Variants in PBX1 observed in about 807,000 individuals in gnomAD.
PBX1 encodes the protein pre-B-cell leukemia transcription factor 1.
Under a neutral mutation model 53.4 loss-of-function variants are expected in PBX1, and 6 were observed. The observed-to-expected ratio is 0.11, with a 90% CI of 0.06 to 0.22. The LOEUF (loss-of-function observed/expected upper bound fraction) is 0.22, where lower values mean the gene tolerates loss of function less well. Among genes scored for constraint, PBX1 ranks in the 10% least tolerant of loss-of-function variants. The probability of loss-of-function intolerance (pLI) is 1.00; values close to 1 mark genes in which losing one functional copy is unlikely to be tolerated. For synonymous variants in PBX1, 204 were observed against 212.3 expected (o/e 0.96, Z 0.34); for missense variants, 251 against 551.4 (o/e 0.46, Z 5.46).
intron 2 of PBX1, among the ~76,000 whole-genome samples, chr1:164,692,123 C>T (rs1265312889): frequency 6.6e-6 from 1 of 152,138 alleles, no homozygotes; most frequent in Non-Finnish European, 1.5e-5. Context: ...GATACTAAAC[C>T]TGTATACGTG....
intron 2 of PBX1, among the ~76,000 whole-genome samples, chr1:164,880,802 C>T (rs1015428712): frequency 2.0e-5 from 3 of 152,180 alleles, no homozygotes; most frequent in African/African-American, 7.2e-5. Context: ...ACTAGCAAAA[C>T]CAAATTAGCT....
chr1:164,725,804 T>A (rs1256386769), intron 2 of PBX1, among the ~76,000 whole-genome samples: 1 of 152,208 alleles, frequency 6.6e-6, no homozygotes, highest in Non-Finnish European at 1.5e-5. Flanking sequence ...GAGGTGTAGC[T>A]ATCCATCATT....
At chr1:164,588,079 A>G (rs185698701) in intron 2 of PBX1, among the ~76,000 whole-genome samples, 2 of 152,280 alleles carry the variant, frequency 1.3e-5, no homozygotes, top group Admixed American at 1.3e-4. Flanking sequence ...ACCAAAAGTG[A>G]CTGCATGGTT....
At chr1:164,628,970 G>A (rs1658227696) in intron 2 of PBX1, among the ~76,000 whole-genome samples, 1 of 152,136 alleles carries the variant, frequency 6.6e-6, no homozygotes. Context: ...CATGGCAACA[G>A]TTCCATCGTT....
At chr1:164,719,526 G>A (rs561694267) in intron 2 of PBX1, among the ~76,000 whole-genome samples, 12 of 152,090 alleles carry the variant, frequency 7.9e-5, no homozygotes, top group Non-Finnish European at 1.8e-4. Flanking sequence ...ATTACCTGGG[G>A]GCCTTTTTAA....
At chr1:164,760,125 A>G (rs551811132) in intron 2 of PBX1, among the ~76,000 whole-genome samples, 15 of 151,540 alleles carry the variant, frequency 9.9e-5, no homozygotes, top group Non-Finnish European at 1.8e-4. Flanking sequence ...ACACTTTATT[A>G]TGTGCAATGA....
intron 2 of PBX1, among the ~76,000 whole-genome samples, chr1:164,685,965 G>A (rs1258559970): frequency 2.0e-5 from 3 of 152,186 alleles, no homozygotes; most frequent in African/African-American, 7.2e-5. Context: ...ACAAAGTGCA[G>A]CACCACCCAG....
intron 4 of PBX1, 32 bp from the exon 5 acceptor site, chr1:164,807,510 T>C: frequency 6.2e-7 from 1 of 1,606,012 alleles, no homozygotes. Flanking sequence ...GGTGTGAGCC[T>C]TTTTGTTATT....
chr1:164,736,018 G>A (rs756188194), intron 2 of PBX1, among the ~76,000 whole-genome samples: 3 of 152,070 alleles, frequency 2.0e-5, no homozygotes, highest in Non-Finnish European at 4.4e-5. Context: ...TCCATCTCCA[G>A]CAGAAACTGG....
intron 2 of PBX1, among the ~76,000 whole-genome samples, chr1:164,663,324 C>CT (rs1557925731): frequency 1.3e-5 from 2 of 152,066 alleles, no homozygotes; most frequent in Non-Finnish European, 1.5e-5. Flanking sequence ...CTCTCTCTCT[C>CT]TCTTCTTCCC....
Position 164,825,727 on chromosome 1 carries a change from A to T in PBX1, c.1200+4101A>T, listed in dbSNP as rs77704074. On this transcript the variant is annotated intron_variant, in intron 8 of 8. Transcript: ENST00000420696. ...TGATATTGCAGACATAATTATCCTC[A>T]GCAGTAGGATCATTCTTATTATGAA... 1.3e-3 allele frequency among the ~76,000 whole-genome samples: 203 copies of T among 152,320 alleles called. 1 individual carries two copies. Among genetic ancestry groups the T allele is most frequent in the Non-Finnish European group, 2.0e-3 (135 of 68,036 alleles).
At chr1:164,622,822 C>CTTTTTTT (rs11299132) in intron 2 of PBX1, among the ~76,000 whole-genome samples, 26 of 106,284 alleles carry the variant, frequency 2.4e-4, no homozygotes, top group African/African-American at 8.8e-4. Flanking sequence ...CAGTTTCCAT[C>CTTTTTTT]TTTTTTTTTT....
chr1:164,667,261 G>A (rs2800775), intron 2 of PBX1, among the ~76,000 whole-genome samples: 110,947 of 152,016 alleles, frequency 0.73, 42,474 homozygotes, highest in Non-Finnish European at 0.85. Context: ...GCATGGCAAT[G>A]AGCTAAGTAA....
intron 2 of PBX1, among the ~76,000 whole-genome samples, chr1:164,656,856 A>C (rs1389413823): frequency 6.6e-6 from 1 of 152,114 alleles, no homozygotes; most frequent in Non-Finnish European, 1.5e-5. Flanking sequence ...TTATATTATC[A>C]TACTATACCA....
chr1:164,742,721 C>T (rs930649738), intron 2 of PBX1, among the ~76,000 whole-genome samples: 10 of 152,098 alleles, frequency 6.6e-5, no homozygotes, highest in Non-Finnish European at 1.3e-4. Flanking sequence ...CCTAACCTCC[C>T]TCTGACTTAA....
chr1:164,852,194 T>C (rs1479541096), downstream of PBX1, among the ~76,000 whole-genome samples: 1 of 152,218 alleles, frequency 6.6e-6, no homozygotes, highest in African/African-American at 2.4e-5. Context: ...ATTCTCCTTT[T>C]CTTCTCTTTG....
intron 2 of PBX1, among the ~76,000 whole-genome samples, chr1:164,661,469 C>T (rs1660489695): frequency 6.7e-6 from 1 of 150,146 alleles, no homozygotes; most frequent in East Asian, 2.0e-4. Context: ...CTCTGTCGCC[C>T]AGGCTGGAGT....
chr1:164,884,826 A>G (rs1384700575), intron 2 of PBX1, among the ~76,000 whole-genome samples: 1 of 152,220 alleles, frequency 6.6e-6, no homozygotes, highest in Non-Finnish European at 1.5e-5. Context: ...TCCAGCAATC[A>G]AATAATCACT....
intron 2 of PBX1, among the ~76,000 whole-genome samples, chr1:164,759,708 C>G (rs908646504): frequency 2.6e-5 from 4 of 152,144 alleles, no homozygotes; most frequent in Non-Finnish European, 5.9e-5. Flanking sequence ...AACCCTGGCA[C>G]AGGTGGACAA....
Sources: gnomAD v4.1 joint callset for allele counts (sites outside exome capture counted in the v4.1 genomes callset) on GRCh38, gnomAD v4.1.1 for gene constraint, MANE v1.5 for transcripts, NCBI Gene and HGNC (gene_info 2026-07-23, HGNC 2026-07-21) for gene names.